The following AP1S3 variants were observed in gnomAD, a reference collection of about 807,000 sequenced individuals.
AP1S3 encodes the protein AP-1 complex subunit sigma-3.
Under a neutral mutation model 20.9 loss-of-function variants are expected in AP1S3, and 10 were observed. The observed-to-expected ratio is 0.48, with a 90% confidence interval of 0.29 to 0.81. AP1S3 has a LOEUF of 0.81. Among genes scored for constraint, AP1S3 ranks in the 30% least tolerant of loss-of-function variants. The pLI is 0.08. For missense variants in AP1S3, 154 were observed against 183.8 expected (o/e 0.84, Z 0.94); for synonymous variants, 41 against 61.5 (o/e 0.67, Z 1.56).
chr2:223,818,186 G>A (rs1195498336), intron 1 of AP1S3, among the ~76,000 whole-genome samples: 1 of 152,212 alleles, frequency 6.6e-6, no homozygotes, highest in East Asian at 1.9e-4. Flanking sequence ...GGAGGCCAAA[G>A]TAGGTGGATC....
intron 4 of AP1S3, among the ~76,000 whole-genome samples, chr2:223,760,238 G>A (rs17182728): frequency 0.16 from 24,855 of 152,076 alleles, 2,254 homozygotes; most frequent in Non-Finnish European, 0.21. Context: ...TTTGAGTCAC[G>A]ATCTGCTCAT....
chr2:223,786,452 G>A (rs1028411328), intron 1 of AP1S3, among the ~76,000 whole-genome samples: 3 of 151,972 alleles, frequency 2.0e-5, no homozygotes, highest in Non-Finnish European at 2.9e-5. Flanking sequence ...TTAGTAGATC[G>A]TAATCAACAT....
chr2:223,786,963 G>A (rs569903401), intron 1 of AP1S3, among the ~76,000 whole-genome samples: 1 of 152,240 alleles, frequency 6.6e-6, no homozygotes, highest in African/African-American at 2.4e-5. Context: ...CTAAACTCGT[G>A]TCAAATTGTA....
chr2:223,828,990 T>A (rs1407723518), intron 1 of AP1S3, among the ~76,000 whole-genome samples: 1 of 152,162 alleles, frequency 6.6e-6, no homozygotes, highest in African/African-American at 2.4e-5. Context: ...CGCCTGCCAC[T>A]GCACCCAGCT....
intron 2 of AP1S3, among the ~76,000 whole-genome samples, chr2:223,776,425 A>G (rs1690786131): frequency 6.6e-6 from 1 of 152,150 alleles, no homozygotes; most frequent in Non-Finnish European, 1.5e-5. Flanking sequence ...ATTCTGTGTG[A>G]GCCTCCCTCC....
At chr2:223,832,135 C>CTGTG (rs774812162) in intron 1 of AP1S3, among the ~76,000 whole-genome samples, 3,865 of 70,512 alleles carry the variant, frequency 0.055, 120 homozygotes, top group Non-Finnish European at 0.07. Flanking sequence ...AGTTTTCTCT[C>CTGTG]TGTGTGTGTG....
At chr2:223,835,309 G>T (rs114523857) in intron 1 of AP1S3, among the ~76,000 whole-genome samples, 1 of 152,166 alleles carries the variant, frequency 6.6e-6, no homozygotes, top group Non-Finnish European at 1.5e-5. Context: ...GAATGAGATC[G>T]TGAATATAAA....
At chr2:223,786,064 G>A (rs1043292925) in intron 1 of AP1S3, among the ~76,000 whole-genome samples, 2 of 152,094 alleles carry the variant, frequency 1.3e-5, no homozygotes, top group Non-Finnish European at 2.9e-5. Flanking sequence ...TGGGGCAGGA[G>A]GTATATGAGA....
chr2:223,785,519 A>G (rs1320542280), intron 1 of AP1S3, among the ~76,000 whole-genome samples: 1 of 152,244 alleles, frequency 6.6e-6, no homozygotes, highest in East Asian at 1.9e-4. Context: ...TGGATTTTCC[A>G]AAATTCATAT....
rs767764455 is a variant in AP1S3 at position 223,758,727 on chromosome 2, C to T, written c.453G>A (p.Lys151=). 7 of 1,609,570 alleles carry T rather than the reference C, an allele frequency of 4.3e-6. No individual in the cohort carries two copies. In the Admixed American group the frequency reaches 5.1e-5, roughly 12 times the overall value. Reference sequence around the variant, plus strand: ...AGTAGATTTCCAGTTAAAATGTAGGCTTGTTCATGTATTCTTCCATTGTCT... The same window carrying T: ...AGTAGATTTCCAGTTAAAATGTAGGTTTGTTCATGTATTCTTCCATTGTCT... ...LQETMEEYMN[K]PTF Residue 151 remains lysine (K), a synonymous_variant, in exon 5 of 5, where the codon AAG becomes AAA. Transcript: ENST00000396654.
chr2:223,828,372 C>G (rs1361082545), intron 1 of AP1S3, among the ~76,000 whole-genome samples: 1 of 149,318 alleles, frequency 6.7e-6, no homozygotes, highest in East Asian at 2.1e-4. Flanking sequence ...TCTCGGCTCA[C>G]TGCAACCTCT....
intron 1 of AP1S3, among the ~76,000 whole-genome samples, chr2:223,787,700 A>T (rs1439789487): frequency 6.6e-6 from 1 of 152,178 alleles, no homozygotes; most frequent in East Asian, 1.9e-4. Flanking sequence ...CATGTGCCAC[A>T]TGCAGATTTC....
chr2:223,793,543 G>T (rs148406741), intron 1 of AP1S3, among the ~76,000 whole-genome samples: 5 of 152,038 alleles, frequency 3.3e-5, no homozygotes, highest in African/African-American at 7.2e-5. Flanking sequence ...GGACACATTG[G>T]GGGGAACAGT....
intron 1 of AP1S3, among the ~76,000 whole-genome samples, chr2:223,796,411 T>C (rs887035731): frequency 6.6e-6 from 1 of 152,176 alleles, no homozygotes; most frequent in Non-Finnish European, 1.5e-5. Context: ...CTATTTGCTG[T>C]CTAGCTGACT....
intron 1 of AP1S3, among the ~76,000 whole-genome samples, chr2:223,795,018 G>C (rs951487278): frequency 4.6e-5 from 7 of 152,196 alleles, no homozygotes; most frequent in African/African-American, 1.7e-4. Flanking sequence ...ACACTTCCAA[G>C]GTGGGCGGAT....
chr2:223,809,837 T>C (rs1691679951), intron 1 of AP1S3, among the ~76,000 whole-genome samples: 1 of 150,884 alleles, frequency 6.6e-6, no homozygotes, highest in Non-Finnish European at 1.5e-5. Flanking sequence ...CAAGCGATTC[T>C]CCTGCCTCAG....
At chr2:223,820,381 A>AT (rs1186795007) in intron 1 of AP1S3, among the ~76,000 whole-genome samples, 1 of 151,970 alleles carries the variant, frequency 6.6e-6, no homozygotes, top group South Asian at 2.1e-4. Flanking sequence ...TTGCCAGAAT[A>AT]TTTTTTTTCA....
At position 223,817,856 on chromosome 2, in the gene AP1S3, C is replaced by CA. The variant is rs560253300; in HGVS notation, c.3+19591dup. On this transcript the variant is annotated intron_variant, in intron 1 of 4. Coordinates refer to ENST00000396654, the MANE Select transcript of AP1S3 (RefSeq NM_001039569.2). ...TCTAACTTCCCAGGAGACCTTTTTCCAAAAAAAGACAAATATGATGACCAA... is the reference window on the plus strand; with the variant it reads ...TCTAACTTCCCAGGAGACCTTTTTCCAAAAAAAAGACAAATATGATGACCAA... Among the ~76,000 whole-genome samples the CA allele has an allele frequency of 5.6e-3, 853 of 151,582 alleles. 23 individuals are homozygous for CA. Among genetic ancestry groups the CA allele is most frequent in the African/African-American group, 0.02 (824 of 41,208 alleles).
intron 1 of AP1S3, among the ~76,000 whole-genome samples, chr2:223,780,306 TATAGAGAGAG>T (rs1292764988): frequency 6.2e-4 from 28 of 45,188 alleles, no homozygotes; most frequent in East Asian, 2.6e-3. Flanking sequence ...TATATATATA[TATAGAGAGAG>T]AGAGAGAGAG....
Sources: gnomAD v4.1 joint callset for allele counts (sites outside exome capture counted in the v4.1 genomes callset) on GRCh38, gnomAD v4.1.1 for gene constraint, MANE v1.5 for transcripts, NCBI Gene and HGNC (gene_info 2026-07-23, HGNC 2026-07-21) for gene names.